Variants in HYDIN observed in about 807,000 individuals in gnomAD.
HYDIN encodes the protein axonemal central pair apparatus protein HYDIN.
A neutral mutation model predicts 403.9 loss-of-function variants in HYDIN; 132 were observed. That is an observed-to-expected ratio of 0.33 (90% CI 0.28 to 0.38). The LOEUF is 0.38. Among genes scored for constraint, HYDIN ranks in the 10% least tolerant of loss-of-function variants. The pLI, the probability that HYDIN is intolerant of heterozygous loss-of-function variation, is 1.00. For synonymous variants in HYDIN, 1,202 were observed against 1,891.7 expected (o/e 0.64, Z 9.46); for missense variants, 2,827 against 5,009.5 (o/e 0.56, Z 13.15).
At chr16:71,047,779 C>T (rs1455868510) in intron 18 of HYDIN, among the ~76,000 whole-genome samples, 1 of 150,320 alleles carries the variant, frequency 6.7e-6, no homozygotes, top group Non-Finnish European at 1.5e-5. Context: ...TACATGTATA[C>T]AATGTGCAAT....
chr16:70,996,828 T>C (rs918288411), intron 23 of HYDIN, among the ~76,000 whole-genome samples: 8 of 150,950 alleles, frequency 5.3e-5, no homozygotes, highest in African/African-American at 2.0e-4. Context: ...ACTGGTTTCA[T>C]GGAAGACAAT....
chr16:71,184,922 CAAACGT>C lies in HYDIN; in HGVS notation c.198_203del (p.Arg67_Leu68del). On this transcript the variant is annotated inframe_deletion, in exon 3 of 86. Transcript: ENST00000393567. ...GTTCGATGATCTGTGGTCGGCACAT[CAAACGT>C]GTTTTTGCCAGTCTCTGCTCGGTGG... 5.6e-6 allele frequency: 9 copies of C among 1,611,328 alleles called. No individual in the cohort carries two copies. The highest frequency in any genetic ancestry group is 7.6e-6 in the Non-Finnish European group (9 of 1,178,086).
intron 18 of HYDIN, among the ~76,000 whole-genome samples, chr16:71,041,762 T>A (rs1431223936): frequency 6.6e-6 from 1 of 151,814 alleles, no homozygotes; most frequent in East Asian, 1.9e-4. Flanking sequence ...AACTTCTGTT[T>A]GTTCTATAAA....
rs1429146213 is a variant in HYDIN, at chr16:70,809,785, T to G, written c.14881A>C (p.Arg4961=). Residue 4961 remains arginine (R), a splice_region_variant and synonymous_variant, in exon 85 of 86, where the codon AGG becomes CGG. Coordinates refer to ENST00000393567, the MANE Select transcript of HYDIN (RefSeq NM_001270974.2). ...YTRQRTEYYC[R]TDCTDFHAEK... is the part of the protein sequence containing the mutation. ...AAGGTAGAGCAGGGGCCACTCACCCTGCAGTAGTATTCTGTCCTCTGCCGT... is the reference window on the plus strand; with the variant it reads ...AAGGTAGAGCAGGGGCCACTCACCCGGCAGTAGTATTCTGTCCTCTGCCGT... 2 of 1,611,858 alleles carry G rather than the reference T, an allele frequency of 1.2e-6. No individual in the cohort carries two copies. The highest frequency in any genetic ancestry group is 1.7e-6 in the Non-Finnish European group (2 of 1,177,960).
At position 70,804,097 on chromosome 16, in the gene HYDIN, T is replaced by TA. The variant is rs890956365; in HGVS notation, c.*3482dup. 2.6e-5 allele frequency among the ~76,000 whole-genome samples: 4 copies of TA among 152,210 alleles called. No homozygotes were observed. The highest frequency in any genetic ancestry group is 9.6e-5 in the African/African-American group (4 of 41,466). ...ATTTGCTAATATAAGACTATTTTGT[T>TA]ATTGTTTGAGGCTAAGGAAGCACGA... On this transcript the variant is annotated 3_prime_UTR_variant, in exon 86 of 86. Coordinates refer to ENST00000393567, the MANE Select transcript of HYDIN (RefSeq NM_001270974.2).
intron 6 of HYDIN, among the ~76,000 whole-genome samples, chr16:71,153,228 T>G (rs1014093947): frequency 1.4e-4 from 22 of 152,092 alleles, no homozygotes; most frequent in Non-Finnish European, 8.8e-5. Context: ...AAAAATCGAG[T>G]TTTGTGAGAG....
chr16:70,867,108 T>TA (rs2039805754), intron 66 of HYDIN, among the ~76,000 whole-genome samples: 1 of 141,242 alleles, frequency 7.1e-6, no homozygotes, highest in Non-Finnish European at 1.5e-5. Flanking sequence ...GAAGAGTTTA[T>TA]AAAAAATAAA....
intron 10 of HYDIN, among the ~76,000 whole-genome samples, chr16:71,102,672 C>A (rs893187846): frequency 3.3e-5 from 5 of 151,596 alleles, no homozygotes; most frequent in African/African-American, 1.2e-4. Context: ...TTCGTGCTTT[C>A]CTCTTTAAAA....
chr16:71,133,587 G>C (rs1315305865), intron 8 of HYDIN, among the ~76,000 whole-genome samples: 2 of 152,296 alleles, frequency 1.3e-5, no homozygotes, highest in Admixed American at 6.5e-5. Context: ...TTTGAGAATT[G>C]TAGGAGCTCT....
intron 1 of HYDIN, among the ~76,000 whole-genome samples, chr16:71,202,953 G>A (rs1186104550): frequency 6.6e-6 from 1 of 152,088 alleles, no homozygotes; most frequent in African/African-American, 2.4e-5. Flanking sequence ...TCTTGGGGGT[G>A]TACATGTGAC....
chr16:71,117,530 G>T (rs2084087983), intron 9 of HYDIN, among the ~76,000 whole-genome samples: 1 of 152,194 alleles, frequency 6.6e-6, no homozygotes, highest in Non-Finnish European at 1.5e-5. Flanking sequence ...TAAGATGAAA[G>T]TATTGAAAAG....
intron 28 of HYDIN, among the ~76,000 whole-genome samples, chr16:70,981,850 C>T (rs545558665): frequency 1.2e-4 from 18 of 152,010 alleles, no homozygotes; most frequent in East Asian, 3.9e-4. Flanking sequence ...ATGGTTCGGC[C>T]GGGCCTGGTG....
At position 70,938,755 on chromosome 16, in the gene HYDIN, T is replaced by C; in HGVS notation, c.6854A>G (p.Glu2285Gly). 1.2e-6 allele frequency: 2 copies of C among 1,614,100 alleles called. No individual in the cohort carries two copies. Among genetic ancestry groups the C allele is most frequent in the Non-Finnish European group, 1.7e-6 (2 of 1,180,024 alleles). The change falls in exon 44 of 86, where the codon GAA becomes GGA. Residue 2285 changes from glutamate (E) to glycine (G), a missense_variant and splice_region_variant. Physicochemically the swap from Glu to Gly is moderately conservative, Grantham distance 98. Transcript: ENST00000393567. ...CTCAAGAGCTCCCTTGTGCTTGCGTTCTGTGAGGGGAACAGAGACGGGAAG... is the reference window on the plus strand; with the variant it reads ...CTCAAGAGCTCCCTTGTGCTTGCGTCCTGTGAGGGGAACAGAGACGGGAAG... ...AQEKAKKEQE[E>G]RKHKGALEKE...
chr16:71,115,426 T>A (rs1234671236), intron 10 of HYDIN, among the ~76,000 whole-genome samples: 2 of 152,200 alleles, frequency 1.3e-5, no homozygotes, highest in African/African-American at 4.8e-5. Context: ...GGGCAGTTAT[T>A]ATTAGCAGTA....
At chr16:71,083,788 C>T (rs1512621) in intron 12 of HYDIN, among the ~76,000 whole-genome samples, 69,930 of 148,524 alleles carry the variant, frequency 0.47, 18,834 homozygotes, top group East Asian at 0.73. Context: ...CATGAGTCAC[C>T]CTTTTGTCCA....
intron 45 of HYDIN, among the ~76,000 whole-genome samples, chr16:70,925,403 G>A (rs1034092500): frequency 1.3e-5 from 2 of 152,242 alleles, no homozygotes; most frequent in Non-Finnish European, 2.9e-5. Flanking sequence ...CCCATTGCTT[G>A]TTTTTCTCAG....
At position 70,837,537 on chromosome 16, in the gene HYDIN, A is replaced by G. The variant is rs943817410; in HGVS notation, c.13242+153T>C. ...TTTGCCCCTTTCTGTTATTAGGAAC[A>G]TCATCTCAGTGGGACTCGCTGACCT... On this transcript the variant is annotated intron_variant, in intron 77 of 85. Coordinates refer to ENST00000393567, the MANE Select transcript of HYDIN (RefSeq NM_001270974.2). 2.6e-5 allele frequency among the ~76,000 whole-genome samples: 4 copies of G among 152,164 alleles called. No homozygotes were observed. In the East Asian group the frequency reaches 5.8e-4, roughly 22 times the overall value.
chr16:71,184,951 T>C lies in HYDIN; in HGVS notation c.175A>G (p.Thr59Ala). ...CGTGTTTTTGCCAGTCTCTGCTCGGTGGTCAGGGACATTTCCTTCAGGAAC... is the reference window on the plus strand; with the variant it reads ...CGTGTTTTTGCCAGTCTCTGCTCGGCGGTCAGGGACATTTCCTTCAGGAAC... Reference protein sequence around the residue: ...SEFLKEMSLTTEQRLAKTRLM... With the variant: ...SEFLKEMSLTAEQRLAKTRLM... Residue 59 changes from threonine (T) to alanine (A), a missense_variant, in exon 3 of 86, where the codon ACC (threonine) becomes GCC (alanine). Physicochemically the swap from Thr to Ala is moderately conservative, Grantham distance 58 (BLOSUM62 0). Transcript: ENST00000393567. 8 of 1,610,818 alleles carry C rather than the reference T, an allele frequency of 5.0e-6. No individual in the cohort carries two copies. Among genetic ancestry groups the C allele is most frequent in the Non-Finnish European group, 6.8e-6 (8 of 1,177,672 alleles).
intron 36 of HYDIN, among the ~76,000 whole-genome samples, chr16:70,968,011 AC>A (rs1275720289): frequency 2.8e-5 from 4 of 143,428 alleles, no homozygotes; most frequent in African/African-American, 7.6e-5. Flanking sequence ...GGAATTTGAA[AC>A]ATCATTATGT....
Sources: allele counts gnomAD v4.1 joint callset (sites outside exome capture counted in the v4.1 genomes callset), GRCh38; gene constraint gnomAD v4.1.1; transcripts MANE v1.5; gene names NCBI Gene and HGNC (gene_info 2026-07-23, HGNC 2026-07-21).